The following MASTL variants were observed in gnomAD, a reference collection of about 807,000 sequenced individuals.
The protein encoded by MASTL is microtubule associated serine/threonine kinase like, also known as serine/threonine-protein kinase greatwall.
A neutral mutation model predicts 82.5 loss-of-function variants in MASTL; 54 were observed. The observed-to-expected ratio is 0.65, with a 90% CI of 0.53 to 0.82. The LOEUF (loss-of-function observed/expected upper bound fraction) is 0.82. Ranked by LOEUF, MASTL falls within the 40% of genes least tolerant of loss-of-function variation. The pLI is 0.00. For synonymous variants in MASTL, 323 were observed against 368.9 expected (o/e 0.88, Z 1.43); for missense variants, 950 against 1,047.8 (o/e 0.91, Z 1.29).
At chr10:27,166,544 G>A (rs369376134) in intron 6 of MASTL, among the ~76,000 whole-genome samples, 16 of 152,168 alleles carry the variant, frequency 1.1e-4, no homozygotes, top group Admixed American at 6.5e-5. Context: ...AGGCTGAGGC[G>A]AGAGGATCAC....
intron 4 of MASTL, among the ~76,000 whole-genome samples, chr10:27,162,296 TAGGG>T (rs1170652583): frequency 6.6e-6 from 1 of 152,250 alleles, no homozygotes; most frequent in Non-Finnish European, 1.5e-5. Flanking sequence ...TTGTTTCTAA[TAGGG>T]AGAAACTAGA....
chr10:27,165,214 A>T (rs1292195561), intron 5 of MASTL, 44 bp downstream of exon 5: 10 of 1,427,100 alleles, frequency 7.0e-6, no homozygotes, highest in Non-Finnish European at 9.9e-6. Flanking sequence ...CCCCTTCATG[A>T]TCACCACTTA....
intron 9 of MASTL, 46 bp from the exon 10 acceptor site, chr10:27,180,907 T>A: frequency 1.7e-6 from 2 of 1,201,752 alleles, no homozygotes; most frequent in African/African-American, 1.5e-5. Context: ...CATCAAATAT[T>A]TGTAGAGAAT....
In MASTL at chr10:27,165,160, C is replaced by G; in HGVS notation, c.650C>G (p.Ser217Trp). ...TPGQVLSLIS[S>W]LGFNTPIAEK... Reference sequence around the variant, plus strand: ...GGACAAGTGTTATCGCTTATCAGCTCGTTGGGATTTGTAAGTACTTGAGAA... The same window carrying G: ...GGACAAGTGTTATCGCTTATCAGCTGGTTGGGATTTGTAAGTACTTGAGAA... The change falls in exon 5 of 12, where the codon TCG (serine) becomes TGG (tryptophan). Residue 217 changes from serine (S) to tryptophan (W), a missense_variant. Coordinates refer to ENST00000375940, the MANE Select transcript of MASTL (RefSeq NM_001172303.3). 1 of 1,610,694 alleles carries G rather than the reference C, an allele frequency of 6.2e-7. No homozygotes were observed. Among genetic ancestry groups the G allele is most frequent in the Non-Finnish European group, 8.5e-7 (1 of 1,177,038 alleles).
rs748617214 is a variant in MASTL at position 27,170,711 on chromosome 10, AAGTC to A, written c.1755_1758del (p.Gln586ProfsTer2). On this transcript the variant is annotated frameshift_variant, in exon 8 of 12. Transcript: ENST00000375940. LOFTEE classifies it high-confidence loss of function. ...TTTCTATAATGGAAAGTCCATTAGA[AAGTC>A]AGCCCTTAGATTCAGATAGAAGCAT... 1 of 1,613,450 alleles carries A rather than the reference AAGTC, an allele frequency of 6.2e-7. No individual in the cohort carries two copies. The highest frequency in any genetic ancestry group is 1.7e-5 in the Admixed American group (1 of 59,934).
At chr10:27,158,478 C>T in intron 1 of MASTL, 71 bp from the exon 2 acceptor site, 3 of 1,284,194 alleles carry the variant, frequency 2.3e-6, no homozygotes, top group Non-Finnish European at 3.4e-6. Flanking sequence ...CTGCACTCAG[C>T]CTGGGCAAGA....
intron 9 of MASTL, 142 bp from the exon 10 acceptor site, chr10:27,180,811 T>C (rs2058249125): frequency 1.4e-6 from 1 of 697,794 alleles, no homozygotes; most frequent in African/African-American, 1.8e-5. Flanking sequence ...ACTTGCAGCT[T>C]ATCTGCTTTT....
chr10:27,164,897 C>T (rs2057691676), intron 4 of MASTL, among the ~76,000 whole-genome samples, 167 bp from the exon 5 acceptor site: 1 of 152,160 alleles, frequency 6.6e-6, no homozygotes. Context: ...CTCAGCCTCC[C>T]AAGGTGCTGG....
rs2057888101 is a variant in MASTL, at chr10:27,170,355, G to T, written c.1396G>T (p.Val466Leu). ...KKIIQNKKTC[V>L]EYKHNEMTNC... is the part of the protein sequence containing the mutation. ...AATTATACAGAATAAAAAAACTTGTGTAGAGTATAAGCATAACGAAATGAC... is the reference window on the plus strand; with the variant it reads ...AATTATACAGAATAAAAAAACTTGTTTAGAGTATAAGCATAACGAAATGAC... Residue 466 changes from valine to leucine, a missense_variant, in exon 8 of 12, where the codon GTA becomes TTA. Transcript: ENST00000375940. The T allele has an allele frequency of 6.2e-7, 1 of 1,613,574 alleles. No homozygotes were observed. The highest frequency in any genetic ancestry group is 8.5e-7 in the Non-Finnish European group (1 of 1,179,764).
intron 4 of MASTL, among the ~76,000 whole-genome samples, chr10:27,162,278 T>C (rs951515643): frequency 3.9e-5 from 6 of 152,254 alleles, no homozygotes; most frequent in Non-Finnish European, 8.8e-5. Flanking sequence ...AAATCACTTG[T>C]AGCAACATTG....
At position 27,173,024 on chromosome 10, in the gene MASTL, T is replaced by A. The variant is rs6482600; in HGVS notation, c.2125-94T>A. ...TACATCCTTTACGCCTAGTAGCCTA[T>A]GAGCTAGTTATTTGGCTTGTGTGTT... On this transcript the variant is annotated intron_variant, in intron 8 of 11. Transcript: ENST00000375940. The A allele has an allele frequency of 0.6, 866,566 of 1,443,994 alleles. 269,727 individuals carry two copies. The highest frequency in any genetic ancestry group is 0.65 in the Non-Finnish European group (669,882 of 1,034,510). 89.4% of individuals were successfully genotyped at this position (1,443,994 alleles called of 1,614,324 possible).
At chr10:27,183,754 G>A (rs964566153) in intron 11 of MASTL, among the ~76,000 whole-genome samples, 11 of 151,930 alleles carry the variant, frequency 7.2e-5, no homozygotes, top group Admixed American at 7.2e-4. Flanking sequence ...ATCTGGGTCT[G>A]TCGCCCAGGC....
chr10:27,155,280 T>TA, upstream of MASTL: 1 of 728,498 alleles, frequency 1.4e-6, no homozygotes, highest in Non-Finnish European at 2.2e-6. Flanking sequence ...CGCGTCTGCG[T>TA]AGGGGAGGTG....
rs773359010 is a variant in MASTL, at chr10:27,170,792, AC to A, written c.1835del (p.Pro612GlnfsTer25). On this transcript the variant is annotated frameshift_variant, in exon 8 of 12. Transcript: ENST00000375940. LOFTEE classifies it high-confidence loss of function. ...SNIEDPLIVTPDCQEKTSPKG... is the reference protein window; with the variant it reads ...SNIEDPLIVTXDCQEKTSPKG... Reference sequence around the variant, plus strand: ...ATATTGAAGATCCACTTATTGTAACACCAGATTGCCAAGAAAAGACCTCACC... The same window carrying A: ...ATATTGAAGATCCACTTATTGTAACACAGATTGCCAAGAAAAGACCTCACC... The A allele has an allele frequency of 1.9e-6, 3 of 1,614,162 alleles. No homozygotes were observed. The highest frequency in any genetic ancestry group is 1.7e-6 in the Non-Finnish European group (2 of 1,180,004).
Position 27,185,801 on chromosome 10 carries a change from A to C in MASTL, c.2483-578A>C, listed in dbSNP as rs190228169. ...GACTCCATTTCAAAAAAAAAAAAAGATGTGAGTGCCGGGCATGGTGACTCA... is the reference window on the plus strand; with the variant it reads ...GACTCCATTTCAAAAAAAAAAAAAGCTGTGAGTGCCGGGCATGGTGACTCA... On this transcript the variant is annotated intron_variant, in intron 11 of 11. Transcript: ENST00000375940. Among the ~76,000 whole-genome samples, 488 of 138,072 alleles carry C rather than the reference A, an allele frequency of 3.5e-3. 2 individuals are homozygous for C. Among genetic ancestry groups the C allele is most frequent in the African/African-American group, 0.012 (463 of 38,616 alleles). 90.6% of individuals were successfully genotyped at this position (138,072 alleles called of 152,430 possible). A position where few individuals can be genotyped will look rare whatever the true frequency, so the allele number is the denominator to read the frequency against.
Position 27,160,159 on chromosome 10 carries a change from C to CTTTTTT in MASTL, c.464+425_464+430dup, listed in dbSNP as rs58196933. Among the ~76,000 whole-genome samples, 18 of 40,604 alleles carry CTTTTTT rather than the reference C, an allele frequency of 4.4e-4. 2 individuals carry two copies. Among genetic ancestry groups the CTTTTTT allele is most frequent in the African/African-American group, 8.3e-4 (6 of 7,232 alleles). The allele number at this position is 40,604 out of a possible 152,430, so 26.6% of individuals were successfully genotyped here. A position where few individuals can be genotyped will look rare whatever the true frequency, so the allele number is the denominator to read the frequency against. On this transcript the variant is annotated intron_variant, in intron 3 of 11. Transcript: ENST00000375940. Reference sequence around the variant, plus strand: ...TAGAGGTGTGTGCCATTACTCTTGGCTTTTTTTTTTTTTTTTTTTTTTTTT... The same window carrying CTTTTTT: ...TAGAGGTGTGTGCCATTACTCTTGGCTTTTTTTTTTTTTTTTTTTTTTTTTTTTTTT...
chr10:27,183,245 CATT>C (rs2136206626), intron 11 of MASTL, among the ~76,000 whole-genome samples: 1 of 149,040 alleles, frequency 6.7e-6, no homozygotes, highest in East Asian at 2.0e-4. Flanking sequence ...TAGTAAATCT[CATT>C]AGCAGCTGCC....
intron 1 of MASTL, among the ~76,000 whole-genome samples, chr10:27,157,785 C>T (rs1458086360): frequency 6.6e-6 from 1 of 151,608 alleles, no homozygotes; most frequent in African/African-American, 2.4e-5. Context: ...CTAATCATTC[C>T]AACTTAAGAT....
Position 27,170,227 on chromosome 10 carries a change from CA to C in MASTL, c.1271del (p.Asn424IlefsTer20), listed in dbSNP as rs1235909124. ...TDTSQLGFHQ[S>X]NQWAVDSGGI... ...ACAAGTCAGTTAGGTTTCCATCAGTCAAATCAGTGGGCTGTGGATTCTGGTG... is the reference window on the plus strand; with the variant it reads ...ACAAGTCAGTTAGGTTTCCATCAGTCAATCAGTGGGCTGTGGATTCTGGTG... On this transcript the variant is annotated frameshift_variant, in exon 8 of 12. Transcript: ENST00000375940. LOFTEE classifies it high-confidence loss of function. 37 of 1,613,924 alleles carry C rather than the reference CA, an allele frequency of 2.3e-5. No individual in the cohort carries two copies. The highest frequency in any genetic ancestry group is 3.1e-5 in the Non-Finnish European group (37 of 1,180,026).
Sources: gnomAD v4.1 joint callset for allele counts (sites outside exome capture counted in the v4.1 genomes callset) on GRCh38, gnomAD v4.1.1 for gene constraint, MANE v1.5 for transcripts, NCBI Gene and HGNC (gene_info 2026-07-23, HGNC 2026-07-21) for gene names.